The following IQCH variants were observed in gnomAD, a reference collection of about 807,000 sequenced individuals.
The protein encoded by IQCH is IQ motif containing H, also known as IQ domain-containing protein H.
Under a neutral mutation model 117.0 loss-of-function variants are expected in IQCH, and 98 were observed. That is an observed-to-expected ratio of 0.84 (90% CI 0.71 to 0.99). IQCH has a LOEUF of 0.99. Among genes scored for constraint, IQCH ranks in the 50% least tolerant of loss-of-function variants. The pLI, the probability that IQCH is intolerant of heterozygous loss-of-function variation, is 0.00. For synonymous variants in IQCH, 412 were observed against 448.2 expected (o/e 0.92, Z 1.02); for missense variants, 1,102 against 1,243.8 (o/e 0.89, Z 1.72).
intron 6 of IQCH, 63 bp from the exon 7 acceptor site, chr15:67,357,282 C>T (rs1252812522): frequency 2.7e-6 from 3 of 1,092,910 alleles, no homozygotes; most frequent in African/African-American, 1.5e-5. Context: ...AACCCAATAG[C>T]ATCCAACCAG....
intron 3 of IQCH, among the ~76,000 whole-genome samples, chr15:67,269,083 A>G (rs1965795750): frequency 6.6e-6 from 1 of 152,096 alleles, no homozygotes; most frequent in African/African-American, 2.4e-5. Context: ...ACTCACAGAG[A>G]TGGAAATGCA....
chr15:67,307,267 T>C lies in IQCH; in HGVS notation c.387+27755T>C, dbSNP rs903813832. The C allele has an allele frequency of 6.8e-5, 43 of 628,586 alleles. No homozygotes were observed. In the African/African-American group the frequency reaches 8.2e-4, roughly 12 times the overall value. The allele number at this position is 628,586 out of a possible 1,614,324, so 38.9% of individuals were successfully genotyped here. Reference sequence around the variant, plus strand: ...ATTCATGAGGTTGAATTTAATACTATTATGATTTCTAGATTTTATGAGTCA... The same window carrying C: ...ATTCATGAGGTTGAATTTAATACTACTATGATTTCTAGATTTTATGAGTCA... On this transcript the variant is annotated intron_variant, in intron 4 of 20. Coordinates refer to ENST00000335894, the MANE Select transcript of IQCH (RefSeq NM_001031715.3).
At chr15:67,375,528 C>T (rs953829408) in intron 10 of IQCH, among the ~76,000 whole-genome samples, 6 of 152,084 alleles carry the variant, frequency 3.9e-5, no homozygotes, top group African/African-American at 1.4e-4. Flanking sequence ...TAGTTTTCTT[C>T]TGGATTACAC....
Position 67,447,027 on chromosome 15 carries a change from G to A in IQCH, c.2506-18100G>A, listed in dbSNP as rs1478038060. Among the ~76,000 whole-genome samples the A allele has an allele frequency of 1.3e-5, 2 of 152,138 alleles. No homozygotes were observed. Among genetic ancestry groups the A allele is most frequent in the Non-Finnish European group, 2.9e-5 (2 of 68,028 alleles). On this transcript the variant is annotated intron_variant, in intron 16 of 20. Transcript: ENST00000335894. The surrounding 1 kb of genome is among the most constrained non-coding windows in gnomAD (Gnocchi z 5.3). ...TCGCCAGGCTGAGAGCAATCAACAG[G>A]GTCAAGCACAGTAGAGAAAACCTGG...
At chr15:67,311,119 T>G (rs1273920605) in intron 4 of IQCH, among the ~76,000 whole-genome samples, 1 of 152,084 alleles carries the variant, frequency 6.6e-6, no homozygotes, top group Non-Finnish European at 1.5e-5. Flanking sequence ...CCTGAGGTTG[T>G]GTGGTAAGCA....
intron 3 of IQCH, among the ~76,000 whole-genome samples, chr15:67,266,341 C>T (rs1292516969): frequency 6.6e-6 from 1 of 152,002 alleles, no homozygotes; most frequent in African/African-American, 2.4e-5. Context: ...TGGCTTTATA[C>T]TGGCTGTAAT....
In IQCH at chr15:67,400,155, A is replaced by G. The variant is rs1971596076; in HGVS notation, c.1947A>G (p.Gln649=). Residue 649 remains glutamine (Q), a synonymous_variant, in exon 14 of 21, where the codon CAA becomes CAG. Transcript: ENST00000335894. ...QLSQLITDHL[Q]IQRWLFKMDS... ...GTCAGCTGATAACTGATCACCTGCA[A>G]ATACAGCGTTGGCTCTTTAAAATGG... is the stretch of plus-strand genomic sequence containing the variant. The G allele has an allele frequency of 6.2e-7, 1 of 1,613,978 alleles. No homozygotes were observed. The highest frequency in any genetic ancestry group is 8.5e-7 in the Non-Finnish European group (1 of 1,179,930).
Position 67,407,584 on chromosome 15 carries a change from G to A in IQCH, c.2097+7279G>A, listed in dbSNP as rs1190213677. 2 of 152,148 alleles carry A rather than the reference G, an allele frequency of 1.3e-5. No homozygotes were observed. Among genetic ancestry groups the A allele is most frequent in the Non-Finnish European group, 2.9e-5 (2 of 68,022 alleles). The allele number at this position is 152,148 out of a possible 1,614,324, so 9.4% of individuals were successfully genotyped here. ...TAATAATCAGCTACCCAAGCTGTTG[G>A]TTTGTGTGTCCTATTGATTTAATAT... is the stretch of plus-strand genomic sequence containing the variant. On this transcript the variant is annotated intron_variant, in intron 14 of 20. Coordinates refer to ENST00000335894, the MANE Select transcript of IQCH (RefSeq NM_001031715.3). This position sits in a 1 kb window ranked among gnomAD's most constrained non-coding sequence, Gnocchi z 5.3.
intron 4 of IQCH, among the ~76,000 whole-genome samples, chr15:67,333,323 G>C (rs1270061293): frequency 2.0e-5 from 3 of 152,168 alleles, no homozygotes; most frequent in Non-Finnish European, 4.4e-5. Flanking sequence ...TAAAATGTTT[G>C]TTATTTGGCC....
At chr15:67,444,251 C>T (rs1278560012) in intron 16 of IQCH, among the ~76,000 whole-genome samples, 1 of 152,114 alleles carries the variant, frequency 6.6e-6, no homozygotes, top group Non-Finnish European at 1.5e-5. Flanking sequence ...ATGTTAATGA[C>T]TAAGTGAAAT....
chr15:67,337,026 C>G lies in IQCH; in HGVS notation c.439C>G (p.Leu147Val). Residue 147 changes from leucine (L) to valine (V), a missense_variant, in exon 5 of 21, where the codon CTG becomes GTG. Leu to Val is a conservative substitution (Grantham distance 32). This residue lies in a region of IQCH where 452 missense variants were observed against 449.6 expected (regional missense o/e 1.01). Coordinates refer to ENST00000335894, the MANE Select transcript of IQCH (RefSeq NM_001031715.3). Reference protein sequence around the residue: ...KGSNISSLTVLPSSHCTDPYF... With the variant: ...KGSNISSLTVVPSSHCTDPYF... Reference sequence around the variant, plus strand: ...GTCTAACATATCCAGCCTCACGGTTCTGCCATCTTCTCATTGCACAGATCC... The same window carrying G: ...GTCTAACATATCCAGCCTCACGGTTGTGCCATCTTCTCATTGCACAGATCC... 2.5e-6 allele frequency: 4 copies of G among 1,613,674 alleles called. No individual in the cohort carries two copies. The highest frequency in any genetic ancestry group is 3.4e-6 in the Non-Finnish European group (4 of 1,179,718).
At chr15:67,353,778 T>C (rs947537828) in intron 6 of IQCH, among the ~76,000 whole-genome samples, 6 of 152,174 alleles carry the variant, frequency 3.9e-5, no homozygotes, top group South Asian at 2.1e-4. Flanking sequence ...TAACTATAGA[T>C]ACAGTAGAAT....
chr15:67,474,987 A>G lies in IQCH; in HGVS notation c.2677-709A>G, dbSNP rs1436502757. Among the ~76,000 whole-genome samples, 1 of 152,160 alleles carries G rather than the reference A, an allele frequency of 6.6e-6. No homozygotes were observed. The highest frequency in any genetic ancestry group is 6.5e-5 in the Admixed American group (1 of 15,278). The stretch of plus-strand genomic sequence containing the variant: ...ACTGAAATTGAGAGAGATTTCACAA[A>G]ATGCTTGCCCATTACTCCTCGGAAC... On this transcript the variant is annotated intron_variant, in intron 17 of 20. Transcript: ENST00000335894. This position sits in a 1 kb window ranked among gnomAD's most constrained non-coding sequence, Gnocchi z 4.1.
chr15:67,451,718 G>A (rs1363553869), intron 16 of IQCH, among the ~76,000 whole-genome samples: 2 of 152,172 alleles, frequency 1.3e-5, no homozygotes, highest in Non-Finnish European at 2.9e-5. Context: ...GGGGTGGAGA[G>A]TTCTGTAGAT....
In IQCH at chr15:67,369,501, AAAG is replaced by A. The variant is rs774774438; in HGVS notation, c.754-2608_754-2606del. On this transcript the variant is annotated intron_variant, in intron 8 of 20. Coordinates refer to ENST00000335894, the MANE Select transcript of IQCH (RefSeq NM_001031715.3). This position sits in a 1 kb window ranked among gnomAD's most constrained non-coding sequence, Gnocchi z 5.2. ...AGAGAGGAAGGAAGAGAAAAAGAAA[AAAG>A]AGAAAGAAGAGAGGGAAGGGGAAAG... 1.1e-4 allele frequency among the ~76,000 whole-genome samples: 16 copies of A among 150,988 alleles called. No individual in the cohort carries two copies. Among genetic ancestry groups the A allele is most frequent in the Non-Finnish European group, 2.1e-4 (14 of 67,868 alleles).
At position 67,453,498 on chromosome 15, in the gene IQCH, A is replaced by C. The variant is rs993093108; in HGVS notation, c.2506-11629A>C. On this transcript the variant is annotated intron_variant, in intron 16 of 20. Coordinates refer to ENST00000335894, the MANE Select transcript of IQCH (RefSeq NM_001031715.3). The surrounding 1 kb of genome is among the most constrained non-coding windows in gnomAD (Gnocchi z 5.8). Reference sequence around the variant, plus strand: ...AGTTTGCTAGAAGTCCACTCCAGACACTGTTTGCCTGGGTATCAGCAGCGG... The same window carrying C: ...AGTTTGCTAGAAGTCCACTCCAGACCCTGTTTGCCTGGGTATCAGCAGCGG... Among the ~76,000 whole-genome samples the C allele has an allele frequency of 1.3e-5, 2 of 152,236 alleles. No homozygotes were observed. The highest frequency in any genetic ancestry group is 2.9e-5 in the Non-Finnish European group (2 of 68,030).
In IQCH at chr15:67,373,350, C is replaced by A. The variant is rs1555469070; in HGVS notation, c.1306-17C>A. On this transcript the variant is annotated splice_polypyrimidine_tract_variant and intron_variant, in intron 9 of 20. Transcript: ENST00000335894. ...TACAGCTTCCTGTCACTGATCAATG[C>A]TCTTCTTGATTTTTAGCATCTGGCA... 21 of 1,592,324 alleles carry A rather than the reference C, an allele frequency of 1.3e-5. No individual in the cohort carries two copies. Among genetic ancestry groups the A allele is most frequent in the Non-Finnish European group, 1.7e-6 (2 of 1,160,748 alleles).
At chr15:67,409,269 T>C (rs2081382668) in intron 14 of IQCH, among the ~76,000 whole-genome samples, 1 of 152,120 alleles carries the variant, frequency 6.6e-6, no homozygotes, top group Non-Finnish European at 1.5e-5. Context: ...AAATTTCAAT[T>C]AAGAATTTCA....
At position 67,475,810 on chromosome 15, in the gene IQCH, G is replaced by C. The variant is rs764869480; in HGVS notation, c.2791G>C (p.Asp931His). The change falls in exon 18 of 21, where the codon GAT (aspartate) becomes CAT (histidine). Residue 931 changes from aspartate (D) to histidine (H), a missense_variant. Physicochemically the swap from Asp to His is moderately conservative, Grantham distance 81. Around this residue, in one of 2 missense-constraint regions of IQCH, gnomAD observed 650 missense variants for 794.3 expected, o/e 0.82. Transcript: ENST00000335894. This position sits in a 1 kb window ranked among gnomAD's most constrained non-coding sequence, Gnocchi z 5.7. The part of the protein sequence containing the change: ...QICRAHGIGY[D>H]VEERQGTVFI... ...CTGTAGGGCCCATGGCATTGGCTAT[G>C]ATGTTGAGGTATGAAGGGTTACAGT... is the stretch of plus-strand genomic sequence containing the variant. 2.0e-5 allele frequency: 33 copies of C among 1,614,022 alleles called. No homozygotes were observed. The highest frequency in any genetic ancestry group is 2.8e-5 in the Non-Finnish European group (33 of 1,179,892).
Sources: gnomAD v4.1 joint callset for allele counts (sites outside exome capture counted in the v4.1 genomes callset) on GRCh38, gnomAD v4.1.1 for gene constraint, gnomAD v4.1.1 regional missense constraint, Gnocchi (gnomAD v3.1) non-coding constraint, MANE v1.5 for transcripts, NCBI Gene and HGNC (gene_info 2026-07-23, HGNC 2026-07-21) for gene names.